Variants in COL5A3 observed in about 807,000 individuals in gnomAD.
COL5A3 encodes the protein collagen alpha-3(V) chain.
A neutral mutation model predicts 250.0 loss-of-function variants in COL5A3; 172 were observed. That is an observed-to-expected ratio of 0.69 (90% CI 0.61 to 0.78). The LOEUF (loss-of-function observed/expected upper bound fraction) is 0.78. COL5A3 is among the 30% of genes least tolerant of loss of function. The pLI, the probability that COL5A3 is intolerant of heterozygous loss-of-function variation, is 0.00. For synonymous variants in COL5A3, 937 were observed against 900.4 expected (o/e 1.04, Z -0.73); for missense variants, 2,340 against 2,334.4 (o/e 1.00, Z -0.05).
chr19:9,982,680 A>G (rs1468702480), intron 31 of COL5A3, among the ~76,000 whole-genome samples: 1 of 152,102 alleles, frequency 6.6e-6, no homozygotes, highest in African/African-American at 2.4e-5. Context: ...CTGGGGGAAG[A>G]CATCACAGGC....
At chr19:9,976,365 T>C (rs1235710763) in intron 45 of COL5A3, among the ~76,000 whole-genome samples, 193 bp downstream of exon 45, 1 of 151,770 alleles carries the variant, frequency 6.6e-6, no homozygotes, top group African/African-American at 2.4e-5. Flanking sequence ...AGTGTCGGTA[T>C]TGAGGGGACA....
Position 9,979,185 on chromosome 19 carries a change from C to T in COL5A3, c.2821G>A (p.Gly941Arg). 6.2e-7 allele frequency: 1 copy of T among 1,603,284 alleles called. No homozygotes were observed. The highest frequency in any genetic ancestry group is 8.5e-7 in the Non-Finnish European group (1 of 1,177,078). The stretch of plus-strand genomic sequence containing the variant: ...GGAAGACCTTGTTCACCAGGAGGTC[C>T]AGGGGGGCCTGGAGGCCCCCTTTCA... ...LGERGPPGPP[G>R]PPGEQGLPGL... is the part of the protein sequence containing the mutation. The change falls in exon 39 of 67, where the codon GGA becomes AGA. Residue 941 changes from glycine (G) to arginine (R), a missense_variant. Physicochemically the swap from Gly to Arg is moderately radical, Grantham distance 125. Around this residue, in one of 3 missense-constraint regions of COL5A3, gnomAD observed 1,179 missense variants for 1,162.6 expected, o/e 1.01. Transcript: ENST00000264828.
At chr19:9,989,806 C>A (rs766684588) in intron 24 of COL5A3, among the ~76,000 whole-genome samples, 1 of 152,132 alleles carries the variant, frequency 6.6e-6, no homozygotes, top group South Asian at 2.1e-4. Flanking sequence ...AATTATATGT[C>A]GCCCAGGTTG....
At chr19:9,966,788 G>T in intron 62 of COL5A3, 42 bp from the exon 63 acceptor site, 2 of 1,442,324 alleles carry the variant, frequency 1.4e-6, no homozygotes, top group Non-Finnish European at 9.4e-7. Flanking sequence ...GGGGAGATGG[G>T]GGAGGGAGAG....
At position 9,986,401 on chromosome 19, in the gene COL5A3, G is replaced by T. The variant is rs767582363; in HGVS notation, c.2266C>A (p.Pro756Thr). 4 of 1,612,306 alleles carry T rather than the reference G, an allele frequency of 2.5e-6. No homozygotes were observed. Among genetic ancestry groups the T allele is most frequent in the South Asian group, 1.1e-5 (1 of 91,076 alleles). Residue 756 changes from proline to threonine, a missense_variant, in exon 30 of 67, where the codon CCC becomes ACC. Transcript: ENST00000264828. ...CCCTCAGGACCATCCTCTCCCCGGG[G>T]ACCTGGAGCTCCGGGTTTCCCCTGG... ...GDQGKPGAPG[P>T]RGEDGPEGPK...
At chr19:9,986,196 A>G in intron 30 of COL5A3, 119 bp downstream of exon 30, 1 of 702,236 alleles carries the variant, frequency 1.4e-6, no homozygotes, top group Non-Finnish European at 2.4e-6. Context: ...GAGGAATTAA[A>G]GATGACAAGG....
chr19:9,972,573 C>T (rs1053991849), intron 51 of COL5A3, among the ~76,000 whole-genome samples: 3 of 152,330 alleles, frequency 2.0e-5, no homozygotes, highest in Non-Finnish European at 2.9e-5. Flanking sequence ...CGCGGTGGCT[C>T]ATGCCTGTAA....
At position 9,968,209 on chromosome 19, in the gene COL5A3, G is replaced by A; in HGVS notation, c.4315-130C>T. 1 of 1,055,294 alleles carries A rather than the reference G, an allele frequency of 9.5e-7. No individual in the cohort carries two copies. The highest frequency in any genetic ancestry group is 1.4e-6 in the Non-Finnish European group (1 of 719,134). 65.4% of individuals were successfully genotyped at this position (1,055,294 alleles called of 1,614,324 possible). On this transcript the variant is annotated intron_variant, in intron 59 of 66. Transcript: ENST00000264828. The surrounding 1 kb of genome is among the most constrained non-coding windows in gnomAD (Gnocchi z 4.1). The stretch of plus-strand genomic sequence containing the variant: ...GACAAGCCTCCAGTTCCCCCACAGA[G>A]AGACCCCAAACCCCAGACGCAGCCT...
At position 10,005,937 on chromosome 19, in the gene COL5A3, T is replaced by G. The variant is rs2087436574; in HGVS notation, c.296A>C (p.Gln99Pro). ...NFSLLITLRG[Q>P]PANQSVLLSI... ...CAGCAGGACAGACTGATTGGCTGGC[T>G]GTCCCCGCAAGGTGATCAGCAAGGA... Residue 99 changes from glutamine to proline, a missense_variant, in exon 3 of 67, where the codon CAG (glutamine) becomes CCG (proline). Coordinates refer to ENST00000264828, the MANE Select transcript of COL5A3 (RefSeq NM_015719.4). 1.2e-6 allele frequency: 2 copies of G among 1,613,960 alleles called. No homozygotes were observed. The highest frequency in any genetic ancestry group is 2.7e-5 in the African/African-American group (2 of 74,916).
chr19:9,991,243 A>G (rs895443849), intron 24 of COL5A3, among the ~76,000 whole-genome samples: 2 of 152,012 alleles, frequency 1.3e-5, no homozygotes, highest in Admixed American at 6.6e-5. Flanking sequence ...CCCTGTCCAC[A>G]CCCCCCAAAA....
Position 9,965,090 on chromosome 19 carries a change from T to A in COL5A3, c.4782+1224A>T, listed in dbSNP as rs73003433. Among the ~76,000 whole-genome samples the A allele has an allele frequency of 5.3e-5, 8 of 151,588 alleles. No individual in the cohort carries two copies. In the East Asian group the frequency reaches 1.4e-3, roughly 26 times the overall value. ...AAAACAGTTCACTGATATTTGTTTT[T>A]GCATCAGTATCTGAATTGCACAGCC... On this transcript the variant is annotated intron_variant, in intron 64 of 66. Coordinates refer to ENST00000264828, the MANE Select transcript of COL5A3 (RefSeq NM_015719.4).
At chr19:9,992,389 A>C (rs1159831993) in intron 21 of COL5A3, among the ~76,000 whole-genome samples, 1 of 151,946 alleles carries the variant, frequency 6.6e-6, no homozygotes, top group Non-Finnish European at 1.5e-5. Flanking sequence ...AGCCTGGGCA[A>C]CAAGAGCAAA....
intron 5 of COL5A3, 22 bp downstream of exon 5, chr19:10,004,019 A>G: frequency 6.4e-7 from 1 of 1,553,364 alleles, no homozygotes; most frequent in South Asian, 1.1e-5. Context: ...TGAGATTAGG[A>G]GTCATGGAGT....
At chr19:9,982,235 G>T in intron 31 of COL5A3, 117 bp from the exon 32 acceptor site, 1 of 664,342 alleles carries the variant, frequency 1.5e-6, no homozygotes, top group Non-Finnish European at 2.6e-6. Context: ...AAGCTTCCTT[G>T]GTCTCTACAG....
chr19:9,968,922 A>G lies in COL5A3; in HGVS notation c.4153-194T>C. ...TAATGAGGGGTTGACTGGAGGATGGACAACGTGAGTGGTCAGTGGCCAAGG... is the reference window on the plus strand; with the variant it reads ...TAATGAGGGGTTGACTGGAGGATGGGCAACGTGAGTGGTCAGTGGCCAAGG... On this transcript the variant is annotated intron_variant, in intron 57 of 66. Transcript: ENST00000264828. This position sits in a 1 kb window ranked among gnomAD's most constrained non-coding sequence, Gnocchi z 4.1. The G allele has an allele frequency of 1.6e-6, 1 of 643,724 alleles. No homozygotes were observed. The highest frequency in any genetic ancestry group is 2.8e-5 in the East Asian group (1 of 36,356). The allele number at this position is 643,724 out of a possible 1,614,324, so 39.9% of individuals were successfully genotyped here. A position where few individuals can be genotyped will look rare whatever the true frequency, so the allele number is the denominator to read the frequency against.
Position 9,968,145 on chromosome 19 carries a change from C to G in COL5A3, c.4315-66G>C. ...CTATTGCCCTGACACATCCCCCAGA[C>G]AAGCCTTCAATCCTACCAAAGGAAG... On this transcript the variant is annotated intron_variant, in intron 59 of 66. Coordinates refer to ENST00000264828, the MANE Select transcript of COL5A3 (RefSeq NM_015719.4). This position sits in a 1 kb window ranked among gnomAD's most constrained non-coding sequence, Gnocchi z 4.1. 1 of 1,451,190 alleles carries G rather than the reference C, an allele frequency of 6.9e-7. No homozygotes were observed. The allele number at this position is 1,451,190 out of a possible 1,614,324, so 89.9% of individuals were successfully genotyped here. A position where few individuals can be genotyped will look rare whatever the true frequency, so the allele number is the denominator to read the frequency against.
chr19:10,009,160 T>TG lies in COL5A3; in HGVS notation c.88+1137dup, dbSNP rs1346912813. 3.7e-4 allele frequency among the ~76,000 whole-genome samples: 33 copies of TG among 89,156 alleles called. No homozygotes were observed. The highest frequency in any genetic ancestry group is 1.3e-3 in the African/African-American group (32 of 24,406). The allele number at this position is 89,156 out of a possible 152,430, so 58.5% of individuals were successfully genotyped here. On this transcript the variant is annotated intron_variant, in intron 1 of 66. Transcript: ENST00000264828. This position sits in a 1 kb window ranked among gnomAD's most constrained non-coding sequence, Gnocchi z 4.4. Reference sequence around the variant, plus strand: ...GGACTCCAAAGTAAGAAGTGTGCTGTGGTGTGTGTGTGTGTGTGTGTGTGT... The same window carrying TG: ...GGACTCCAAAGTAAGAAGTGTGCTGTGGGTGTGTGTGTGTGTGTGTGTGTGT...
intron 10 of COL5A3, among the ~76,000 whole-genome samples, 195 bp from the exon 11 acceptor site, chr19:9,997,628 G>T (rs2087292010): frequency 6.6e-6 from 1 of 151,846 alleles, no homozygotes; most frequent in South Asian, 2.1e-4. Flanking sequence ...TTTAGAGACG[G>T]TCTCACTCTG....
intron 16 of COL5A3, among the ~76,000 whole-genome samples, chr19:9,994,272 T>A (rs10409153): frequency 0.11 from 15,890 of 150,926 alleles, 1,064 homozygotes; most frequent in African/African-American, 0.19. Flanking sequence ...TTCGAATTCC[T>A]GGCTCAAGCA....
Sources: gnomAD v4.1 joint callset for allele counts (sites outside exome capture counted in the v4.1 genomes callset) on GRCh38, gnomAD v4.1.1 for gene constraint, gnomAD v4.1.1 regional missense constraint, Gnocchi (gnomAD v3.1) non-coding constraint, MANE v1.5 for transcripts, NCBI Gene and HGNC (gene_info 2026-07-23, HGNC 2026-07-21) for gene names.